Variants in CORIN observed in about 807,000 individuals in gnomAD.
The protein encoded by CORIN is corin, serine peptidase.
CORIN carries 117 observed loss-of-function variants against 125.3 expected under a neutral mutation model. That is an observed-to-expected ratio of 0.93 (90% confidence interval 0.80 to 1.09). CORIN has a LOEUF of 1.09. CORIN is among the 50% of genes least tolerant of loss of function. CORIN has a pLI of 0.00. For missense variants in CORIN, 1,253 were observed against 1,306.7 expected (o/e 0.96, Z 0.63); for synonymous variants, 450 against 466.4 (o/e 0.96, Z 0.45).
rs1721532281 is a variant in CORIN at position 47,603,580 on chromosome 4, T to A, written c.2629A>T (p.Thr877Ser). The change falls in exon 20 of 22, where the codon ACC (threonine) becomes TCC (serine). Residue 877 changes from threonine (T) to serine (S), a missense_variant. Physicochemically the swap from Thr to Ser is moderately conservative, Grantham distance 58. Transcript: ENST00000273857. Reference sequence around the variant, plus strand: ...CTGTAGCGGGGATGCAGGATGATGGTCTTCACAAAGCGTGTCTGCATGAAC... The same window carrying A: ...CTGTAGCGGGGATGCAGGATGATGGACTTCACAAAGCGTGTCTGCATGAAC... ...SVFMQTRFVK[T>S]IILHPRYSRA... 2 of 1,614,142 alleles carry A rather than the reference T, an allele frequency of 1.2e-6. No homozygotes were observed. Among genetic ancestry groups the A allele is most frequent in the Non-Finnish European group, 1.7e-6 (2 of 1,180,016 alleles).
At chr4:47,705,343 A>G (rs1726499308) in intron 5 of CORIN, among the ~76,000 whole-genome samples, 1 of 152,236 alleles carries the variant, frequency 6.6e-6, no homozygotes, top group Admixed American at 6.5e-5. Flanking sequence ...TATTTGTGAT[A>G]GAACAAAAAC....
intron 19 of CORIN, among the ~76,000 whole-genome samples, chr4:47,620,591 A>T (rs1560475510): frequency 6.6e-6 from 1 of 152,272 alleles, no homozygotes; most frequent in Non-Finnish European, 1.5e-5. Context: ...ATGATCAGGA[A>T]TTAAGGTAAA....
intron 16 of CORIN, among the ~76,000 whole-genome samples, chr4:47,641,599 C>A (rs1200568368): frequency 6.6e-6 from 1 of 151,428 alleles, no homozygotes; most frequent in African/African-American, 2.4e-5. Flanking sequence ...GGGGAAATTA[C>A]AAGATATTTT....
At chr4:47,642,797 C>A (rs1577773755) in intron 15 of CORIN, 1 of 1,418,146 alleles carries the variant, frequency 7.1e-7, no homozygotes, top group Non-Finnish European at 9.2e-7. Flanking sequence ...CTATTCTATT[C>A]TAGCAGGTAG....
chr4:47,812,927 G>A (rs1157984601), intron 1 of CORIN, among the ~76,000 whole-genome samples: 1 of 152,122 alleles, frequency 6.6e-6, no homozygotes, highest in Non-Finnish European at 1.5e-5. Flanking sequence ...AATCCTTCAA[G>A]TAGAAAATGT....
intron 19 of CORIN, among the ~76,000 whole-genome samples, chr4:47,612,201 T>C (rs1357594764): frequency 2.0e-5 from 3 of 152,160 alleles, no homozygotes; most frequent in African/African-American, 7.2e-5. Flanking sequence ...GACTTTAGAA[T>C]AGAGACTTCA....
Position 47,667,665 on chromosome 4 carries a change from T to TA in CORIN, c.1358-2403dup, listed in dbSNP as rs376510744. Among the ~76,000 whole-genome samples the TA allele has an allele frequency of 4.1e-4, 62 of 151,180 alleles. No individual in the cohort carries two copies. The East Asian group carries it at 8.5e-3, about 21-fold the overall frequency. On this transcript the variant is annotated intron_variant, in intron 10 of 21. Transcript: ENST00000273857. ...ATAAGGAGGCTGATGTTGGCCTGAT[T>TA]AAAAAAAAATGATGCATGAAGTGCA...
At chr4:47,631,254 G>A (rs944840530) in intron 16 of CORIN, among the ~76,000 whole-genome samples, 1 of 152,154 alleles carries the variant, frequency 6.6e-6, no homozygotes, top group Admixed American at 6.5e-5. Context: ...CCCAGCCCCA[G>A]GGCCCCTGTT....
chr4:47,696,464 CA>C (rs113439913), intron 5 of CORIN, among the ~76,000 whole-genome samples: 7 of 150,616 alleles, frequency 4.6e-5, no homozygotes, highest in Admixed American at 2.0e-4. Context: ...GAGAAGAAAA[CA>C]AAAAAAAATC....
chr4:47,621,523 TTTTG>T (rs1381644753), intron 19 of CORIN, among the ~76,000 whole-genome samples: 13 of 152,218 alleles, frequency 8.5e-5, no homozygotes, highest in South Asian at 2.1e-4. Flanking sequence ...GTTGTTATTG[TTTTG>T]TTTATGTTTG....
At chr4:47,704,710 A>G (rs890888658) in intron 5 of CORIN, among the ~76,000 whole-genome samples, 1 of 152,186 alleles carries the variant, frequency 6.6e-6, no homozygotes, top group Non-Finnish European at 1.5e-5. Context: ...AGTCTCCTCT[A>G]AAAACACGCT....
chr4:47,683,430 G>T, intron 7 of CORIN: 1 of 240,174 alleles, frequency 4.2e-6, no homozygotes, highest in Non-Finnish European at 8.1e-6. Flanking sequence ...GCTCTAACCA[G>T]AGGAGAAACA....
At chr4:47,790,182 A>G in intron 2 of CORIN, 1 of 983,498 alleles carries the variant, frequency 1.0e-6, no homozygotes, top group African/African-American at 1.8e-5. Context: ...AACTTTGGAC[A>G]AAGTCTTAAC....
chr4:47,627,310 G>A (rs1244900805), intron 16 of CORIN, among the ~76,000 whole-genome samples: 2 of 151,888 alleles, frequency 1.3e-5, no homozygotes, highest in African/African-American at 4.8e-5. Flanking sequence ...TTAAACTATT[G>A]TAATCACATA....
chr4:47,759,106 GAC>G (rs1729330040), intron 4 of CORIN, among the ~76,000 whole-genome samples: 3 of 152,148 alleles, frequency 2.0e-5, no homozygotes. Context: ...ATGGAGAAAA[GAC>G]AGTCATTTCA....
intron 19 of CORIN, among the ~76,000 whole-genome samples, chr4:47,616,562 A>C (rs1407302800): frequency 6.6e-6 from 1 of 152,200 alleles, no homozygotes; most frequent in Admixed American, 6.5e-5. Context: ...TAGTGATAAA[A>C]TACTGGAGAG....
At position 47,798,379 on chromosome 4, in the gene CORIN, C is replaced by T. The variant is rs1428034255; in HGVS notation, c.208+8524G>A. Among the ~76,000 whole-genome samples the T allele has an allele frequency of 1.3e-5, 2 of 152,116 alleles. 1 individual carries two copies. The highest frequency in any genetic ancestry group is 2.9e-5 in the Non-Finnish European group (2 of 68,012). On this transcript the variant is annotated intron_variant, in intron 2 of 21. Transcript: ENST00000273857. ...ATTATTATCTCCTTGGCTTTTGAAG[C>T]TAGAGCTCCTGTTATTTATACACCA...
chr4:47,745,027 G>A (rs1190769754), intron 4 of CORIN, among the ~76,000 whole-genome samples: 1 of 152,148 alleles, frequency 6.6e-6, no homozygotes, highest in Non-Finnish European at 1.5e-5. Context: ...CAGAGAGTAA[G>A]CTGTTCCATT....
intron 16 of CORIN, among the ~76,000 whole-genome samples, chr4:47,630,192 G>A (rs1722754411): frequency 6.6e-6 from 1 of 152,132 alleles, no homozygotes; most frequent in African/African-American, 2.4e-5. Flanking sequence ...TAAATTCCTA[G>A]AAATAAAATC....
Sources: gnomAD v4.1 joint callset for allele counts (sites outside exome capture counted in the v4.1 genomes callset) on GRCh38, gnomAD v4.1.1 for gene constraint, MANE v1.5 for transcripts, NCBI Gene and HGNC (gene_info 2026-07-23, HGNC 2026-07-21) for gene names.